The following HTT variants were observed in gnomAD, a reference collection of about 807,000 sequenced individuals.
HTT encodes the protein huntington disease protein.
In HTT, 104 loss-of-function variants were observed where a neutral mutation model predicts 362.3. The ratio of observed to expected loss-of-function variants is 0.29; its 90% confidence interval spans 0.24 to 0.34. The LOEUF is 0.34. Ranked by LOEUF, HTT falls within the 10% of genes least tolerant of loss-of-function variation. The pLI is 1.00. For missense variants in HTT, 3,301 were observed against 3,928.6 expected, an observed-to-expected ratio of 0.84 and a Z score of 4.27; for synonymous variants, 1,577 against 1,548.7, an observed-to-expected ratio of 1.02 and a Z score of -0.43.
intron 60 of HTT, among the ~76,000 whole-genome samples, chr4:3,232,664 G>C (rs1301163076): frequency 6.6e-6 from 1 of 152,250 alleles, no homozygotes; most frequent in Non-Finnish European, 1.5e-5. Context: ...AAATTAGCAA[G>C]GGCAGAGGCC....
intron 1 of HTT, among the ~76,000 whole-genome samples, chr4:3,085,269 C>T (rs1300946989): frequency 6.6e-6 from 1 of 151,948 alleles, no homozygotes; most frequent in Non-Finnish European, 1.5e-5. Context: ...TCCCGAGTAG[C>T]TGGGATTATA....
intron 6 of HTT, among the ~76,000 whole-genome samples, chr4:3,113,928 A>G (rs1446388583): frequency 6.6e-6 from 1 of 152,170 alleles, no homozygotes; most frequent in Non-Finnish European, 1.5e-5. Flanking sequence ...ACCCTAACCC[A>G]GCAGCGCTAG....
chr4:3,223,507 A>T lies in HTT; in HGVS notation c.7572A>T (p.Val2524=). The T allele has an allele frequency of 6.2e-7, 1 of 1,613,954 alleles. No homozygotes were observed. The highest frequency in any genetic ancestry group is 8.5e-7 in the Non-Finnish European group (1 of 1,179,908). The change falls in exon 55 of 67, where the codon GTA becomes GTT. Residue 2524 remains valine (V), a synonymous_variant. Coordinates refer to ENST00000355072, the MANE Select transcript of HTT (RefSeq NM_001388492.1). ...MTVPVAGNPA[V]SCLEQQPRNK... is the part of the protein sequence containing the mutation. ...TGCCTGTGGCCGGCAACCCAGCTGT[A>T]AGCTGCTTGGAGCAGCAGCCCCGGA... is the stretch of plus-strand genomic sequence containing the variant.
chr4:3,236,688 A>C (rs1721552586), intron 64 of HTT, among the ~76,000 whole-genome samples: 1 of 152,096 alleles, frequency 6.6e-6, no homozygotes, highest in African/African-American at 2.4e-5. Context: ...CAGGGTGAGG[A>C]GCAGCGGCAG....
chr4:3,098,371 C>A (rs753507678), intron 2 of HTT, among the ~76,000 whole-genome samples: 5 of 152,184 alleles, frequency 3.3e-5, no homozygotes, highest in Non-Finnish European at 7.4e-5. Context: ...GAGAAAGAGA[C>A]ATTTGGTTTC....
intron 19 of HTT, 46 bp from the exon 20 acceptor site, chr4:3,135,858 A>ACTG: frequency 6.7e-7 from 1 of 1,497,940 alleles, no homozygotes; most frequent in Admixed American, 2.0e-5. Flanking sequence ...GTAAGTGTTT[A>ACTG]CTGAGTAACT....
intron 38 of HTT, 52 bp downstream of exon 38, chr4:3,186,771 C>G: frequency 6.4e-7 from 1 of 1,570,218 alleles, no homozygotes; most frequent in African/African-American, 1.4e-5. Flanking sequence ...TGTTCAGGCT[C>G]TGATTACTGG....
intron 2 of HTT, among the ~76,000 whole-genome samples, chr4:3,094,191 C>G (rs932340062): frequency 1.3e-5 from 2 of 151,794 alleles, no homozygotes; most frequent in Non-Finnish European, 2.9e-5. Context: ...CCATTTAACC[C>G]TTAGTGGACA....
At chr4:3,178,600 C>T (rs559634633) in intron 35 of HTT, among the ~76,000 whole-genome samples, 154 bp downstream of exon 35, 6 of 152,158 alleles carry the variant, frequency 3.9e-5, no homozygotes, top group Admixed American at 2.6e-4. Context: ...TGGTTAGAGA[C>T]GTTTCAAAAG....
intron 2 of HTT, among the ~76,000 whole-genome samples, chr4:3,095,613 G>A (rs746163533): frequency 9.9e-5 from 15 of 151,970 alleles, no homozygotes; most frequent in Non-Finnish European, 1.8e-4. Flanking sequence ...AAAATTTTTT[G>A]TTTGTTTGTT....
chr4:3,109,287 C>T (rs1257692992), intron 6 of HTT, among the ~76,000 whole-genome samples: 5 of 151,796 alleles, frequency 3.3e-5, no homozygotes, highest in South Asian at 2.1e-4. Context: ...AGTGCAATGA[C>T]GCAATCTTGG....
Position 3,186,769 on chromosome 4 carries a change from C to G in HTT, c.4989+50C>G, listed in dbSNP as rs763788193. 2.5e-6 allele frequency: 4 copies of G among 1,582,586 alleles called. No homozygotes were observed. In the Admixed American group the frequency reaches 5.1e-5, roughly 20 times the overall value. Reference sequence around the variant, plus strand: ...GATGAATCTGGACGGCTTGTTCAGGCTCTGATTACTGGGACCACCCCCAGA... The same window carrying G: ...GATGAATCTGGACGGCTTGTTCAGGGTCTGATTACTGGGACCACCCCCAGA... On this transcript the variant is annotated intron_variant, in intron 38 of 66. Coordinates refer to ENST00000355072, the MANE Select transcript of HTT (RefSeq NM_001388492.1).
At position 3,154,337 on chromosome 4, in the gene HTT, C is replaced by T. The variant is rs1230525422; in HGVS notation, c.3543C>T (p.Ile1181=). The change falls in exon 27 of 67, where the codon ATC becomes ATT. Residue 1181 remains isoleucine, a synonymous_variant. Coordinates refer to ENST00000355072, the MANE Select transcript of HTT (RefSeq NM_001388492.1). ...SLTNPPSLSP[I]RRKGKEKEPG... is the part of the protein sequence containing the mutation. Reference sequence around the variant, plus strand: ...CAAACCCCCCTTCTCTAAGTCCCATCCGACGAAAGGGGAAGGAGAAAGAAC... The same window carrying T: ...CAAACCCCCCTTCTCTAAGTCCCATTCGACGAAAGGGGAAGGAGAAAGAAC... 3.7e-6 allele frequency: 6 copies of T among 1,611,394 alleles called. No homozygotes were observed. Among genetic ancestry groups the T allele is most frequent in the Non-Finnish European group, 5.1e-6 (6 of 1,178,690 alleles).
rs1721822320 is a variant in HTT, at chr4:3,241,997, A to T, written c.*1938A>T. On this transcript the variant is annotated 3_prime_UTR_variant, in exon 67 of 67. Coordinates refer to ENST00000355072, the MANE Select transcript of HTT (RefSeq NM_001388492.1). ...GTTTCTCATCCTAGCTTTTTCCTGG[A>T]AAGCCCGCTAGAAGGTTTGGGAACG... is the stretch of plus-strand genomic sequence containing the variant. 1 of 152,114 alleles carries T rather than the reference A, an allele frequency of 6.6e-6. No individual in the cohort carries two copies. The highest frequency in any genetic ancestry group is 2.4e-5 in the African/African-American group (1 of 41,366). 9.4% of individuals were successfully genotyped at this position (152,114 alleles called of 1,614,324 possible).
intron 26 of HTT, among the ~76,000 whole-genome samples, chr4:3,150,917 T>C (rs1716850095): frequency 6.6e-6 from 1 of 152,132 alleles, no homozygotes; most frequent in Non-Finnish European, 1.5e-5. Flanking sequence ...CGGGCGCCCA[T>C]AGTCCCAGCT....
intron 8 of HTT, among the ~76,000 whole-genome samples, chr4:3,117,645 C>T (rs1029088052): frequency 2.6e-5 from 4 of 151,864 alleles, no homozygotes; most frequent in East Asian, 3.9e-4. Flanking sequence ...GAGACCAGCC[C>T]GGGAAACATG....
At chr4:3,223,325 C>A in intron 54 of HTT, 81 bp from the exon 55 acceptor site, 1 of 1,343,056 alleles carries the variant, frequency 7.4e-7, no homozygotes, top group Non-Finnish European at 1.0e-6. Flanking sequence ...CCCATTGAGG[C>A]AGGGAAGACT....
intron 36 of HTT, among the ~76,000 whole-genome samples, chr4:3,181,375 A>G (rs1206633026): frequency 6.6e-6 from 1 of 152,212 alleles, no homozygotes; most frequent in Non-Finnish European, 1.5e-5. Context: ...CTTTATTTGT[A>G]TATTTATTTA....
chr4:3,120,447 G>C (rs745335310), intron 8 of HTT, among the ~76,000 whole-genome samples: 8 of 152,134 alleles, frequency 5.3e-5, no homozygotes, highest in Admixed American at 1.3e-4. Context: ...CTGCAGAGTG[G>C]TACTGGTCCA....
Sources: allele counts gnomAD v4.1 joint callset (sites outside exome capture counted in the v4.1 genomes callset), GRCh38; gene constraint gnomAD v4.1.1; transcripts MANE v1.5; gene names NCBI Gene and HGNC (gene_info 2026-07-23, HGNC 2026-07-21).